Variants in PPP3CA observed in about 807,000 individuals in gnomAD.
The protein encoded by PPP3CA is CAM-PRP catalytic subunit.
Under a neutral mutation model 66.5 loss-of-function variants are expected in PPP3CA, and 14 were observed. The ratio of observed to expected loss-of-function variants is 0.21; its 90% confidence interval spans 0.14 to 0.33. The LOEUF is 0.33. Ranked by LOEUF, PPP3CA falls within the 10% of genes least tolerant of loss-of-function variation. PPP3CA has a pLI of 1.00. For missense variants in PPP3CA, 317 were observed against 639.5 expected, an observed-to-expected ratio of 0.50 and a Z score of 5.44; for synonymous variants, 232 against 226.2, an observed-to-expected ratio of 1.03 and a Z score of -0.23.
intron 1 of PPP3CA, among the ~76,000 whole-genome samples, chr4:101,198,577 A>C (rs563560208): frequency 2.0e-5 from 3 of 152,338 alleles, no homozygotes; most frequent in South Asian, 4.1e-4. Context: ...GGCAGATAAA[A>C]GCAGTGGGTC....
At chr4:101,258,778 G>A (rs2110253091) in intron 1 of PPP3CA, among the ~76,000 whole-genome samples, 2 of 152,176 alleles carry the variant, frequency 1.3e-5, no homozygotes, top group Middle Eastern at 6.8e-3. Context: ...TGACAATGAA[G>A]TCCAGTTTCC....
chr4:101,162,278 A>G (rs1376261497), intron 2 of PPP3CA, among the ~76,000 whole-genome samples: 1 of 150,844 alleles, frequency 6.6e-6, no homozygotes, highest in Non-Finnish European at 1.5e-5. Context: ...CACACCTGTA[A>G]TCCCAGCACT....
chr4:101,065,054 T>A (rs1173422395), intron 8 of PPP3CA, among the ~76,000 whole-genome samples: 1 of 152,006 alleles, frequency 6.6e-6, no homozygotes, highest in Non-Finnish European at 1.5e-5. Context: ...AAGGTAGTTA[T>A]CCTCTTCTTC....
chr4:101,042,173 C>CTTTTTTT lies in PPP3CA; in HGVS notation c.1157-1614_1157-1608dup, dbSNP rs558866853. Among the ~76,000 whole-genome samples the CTTTTTTT allele has an allele frequency of 1.8e-4, 16 of 91,158 alleles. 3 individuals carry two copies. Among genetic ancestry groups the CTTTTTTT allele is most frequent in the African/African-American group, 3.0e-4 (7 of 23,634 alleles). The allele number at this position is 91,158 out of a possible 152,430, so 59.8% of individuals were successfully genotyped here. A position where few individuals can be genotyped will look rare whatever the true frequency, so the allele number is the denominator to read the frequency against. On this transcript the variant is annotated intron_variant, in intron 10 of 13. Coordinates refer to ENST00000394854, the MANE Select transcript of PPP3CA (RefSeq NM_000944.5). ...GAAATGGCTAGAAAAAAGGTCTTTG[C>CTTTTTTT]TTTTTTTTTTTTTTTTTTTTGCCCT...
chr4:101,148,324 T>C (rs1324251708), intron 2 of PPP3CA, among the ~76,000 whole-genome samples: 3 of 152,144 alleles, frequency 2.0e-5, no homozygotes, highest in African/African-American at 7.2e-5. Context: ...CCATTAAAAT[T>C]TGTGACATTT....
chr4:101,223,219 G>A (rs1578568457), intron 1 of PPP3CA, among the ~76,000 whole-genome samples: 1 of 151,706 alleles, frequency 6.6e-6, no homozygotes, highest in East Asian at 1.9e-4. Flanking sequence ...GGTGAGAGAG[G>A]TAATTAACTT....
At chr4:101,272,930 G>C (rs1289291365) in intron 1 of PPP3CA, among the ~76,000 whole-genome samples, 1 of 152,148 alleles carries the variant, frequency 6.6e-6, no homozygotes, top group South Asian at 2.1e-4. Flanking sequence ...TCCCAGGTAA[G>C]AACGAAAAGC....
intron 1 of PPP3CA, among the ~76,000 whole-genome samples, chr4:101,264,615 T>C (rs1002062118): frequency 6.6e-6 from 1 of 152,226 alleles, no homozygotes; most frequent in Non-Finnish European, 1.5e-5. Flanking sequence ...TTCAGTTTGT[T>C]GTGCAGATCT....
chr4:101,166,968 TTTC>T (rs1723713017), intron 2 of PPP3CA, among the ~76,000 whole-genome samples: 1 of 152,206 alleles, frequency 6.6e-6, no homozygotes, highest in Non-Finnish European at 1.5e-5. Context: ...TTTCTTAGTC[TTTC>T]TTGTCCCTCC....
intron 6 of PPP3CA, among the ~76,000 whole-genome samples, chr4:101,092,692 G>T (rs940588808): frequency 6.6e-6 from 1 of 151,966 alleles, no homozygotes; most frequent in African/African-American, 2.4e-5. Context: ...GAGGTGTTTG[G>T]TTTTCTGTTC....
At chr4:101,164,899 G>T (rs1723642187) in intron 2 of PPP3CA, among the ~76,000 whole-genome samples, 1 of 151,896 alleles carries the variant, frequency 6.6e-6, no homozygotes, top group Non-Finnish European at 1.5e-5. Flanking sequence ...GAGATAAAGG[G>T]CTGCCAATGT....
chr4:101,204,635 CAAAAAAAAAAA>C (rs55925064), intron 1 of PPP3CA, among the ~76,000 whole-genome samples: 3 of 107,826 alleles, frequency 2.8e-5, no homozygotes, highest in African/African-American at 4.2e-5. Context: ...GACTCCATCT[CAAAAAAAAAAA>C]AAAAAAAAAA....
chr4:101,250,259 T>A, intron 1 of PPP3CA: 1 of 436,748 alleles, frequency 2.3e-6, no homozygotes, highest in Non-Finnish European at 4.6e-6. Flanking sequence ...GTTATGAGAA[T>A]GCCTAGGATT....
At chr4:101,083,158 G>C (rs1421362004) in intron 7 of PPP3CA, 28 bp downstream of exon 7, 1 of 1,413,630 alleles carries the variant, frequency 7.1e-7, no homozygotes, top group African/African-American at 1.5e-5. Context: ...ACAATGCATG[G>C]TTTTTATAAA....
At chr4:101,284,402 T>G (rs1248697795) in intron 1 of PPP3CA, among the ~76,000 whole-genome samples, 4 of 152,186 alleles carry the variant, frequency 2.6e-5, no homozygotes, top group Non-Finnish European at 5.9e-5. Context: ...TATATCTAAT[T>G]CAATTTTCTG....
intron 3 of PPP3CA, among the ~76,000 whole-genome samples, chr4:101,108,699 G>A (rs1189311777): frequency 6.6e-6 from 1 of 152,204 alleles, no homozygotes; most frequent in Admixed American, 6.5e-5. Flanking sequence ...CCAGAAGGCA[G>A]AGGTTCTGCT....
chr4:101,256,261 T>C (rs914961819), intron 1 of PPP3CA, among the ~76,000 whole-genome samples: 15 of 151,942 alleles, frequency 9.9e-5, no homozygotes, highest in Non-Finnish European at 2.1e-4. Flanking sequence ...TTAAAAATCA[T>C]CTAATGTCTG....
chr4:101,249,324 A>G (rs1726598426), intron 1 of PPP3CA, among the ~76,000 whole-genome samples: 2 of 152,170 alleles, frequency 1.3e-5, no homozygotes, highest in Admixed American at 1.3e-4. Context: ...ACTTAGCTAT[A>G]AATTTTTATT....
chr4:101,185,414 C>A (rs1299074872), intron 2 of PPP3CA, among the ~76,000 whole-genome samples: 1 of 152,126 alleles, frequency 6.6e-6, no homozygotes, highest in Non-Finnish European at 1.5e-5. Context: ...ATTCCAATAT[C>A]TCTAACACAG....
Sources: gnomAD v4.1 joint callset for allele counts (sites outside exome capture counted in the v4.1 genomes callset) on GRCh38, gnomAD v4.1.1 for gene constraint, MANE v1.5 for transcripts, NCBI Gene and HGNC (gene_info 2026-07-23, HGNC 2026-07-21) for gene names.